Variants in GUCA1C observed in about 807,000 individuals in gnomAD.
GUCA1C encodes guanylyl cyclase-activating protein 3.
GUCA1C carries 15 observed loss-of-function variants against 16.2 expected under a neutral mutation model. The observed-to-expected ratio is 0.93, with a 90% CI of 0.62 to 1.43. GUCA1C has a LOEUF of 1.43. GUCA1C is among the 40% of genes most tolerant of loss of function. The pLI is 0.00. For synonymous variants in GUCA1C, 78 were observed against 85.4 expected (o/e 0.91, Z 0.48); for missense variants, 275 against 244.8 (o/e 1.12, Z -0.82).
Position 108,913,057 on chromosome 3 carries a change from T to C in GUCA1C, c.442+3070A>G, listed in dbSNP as rs147664215. Among the ~76,000 whole-genome samples, 48 of 152,274 alleles carry C rather than the reference T, an allele frequency of 3.2e-4. 1 individual carries two copies. In the East Asian group the frequency reaches 9.2e-3, roughly 29 times the overall value. The stretch of plus-strand genomic sequence containing the variant: ...TTGTGTATTTTTCTGTCACAACAGA[T>C]GTGATGTTGACCATTCTTTTGCAAA... On this transcript the variant is annotated intron_variant, in intron 3 of 3. Transcript: ENST00000261047.
chr3:108,951,199 G>A (rs1039136969), intron 1 of GUCA1C, among the ~76,000 whole-genome samples: 4 of 152,106 alleles, frequency 2.6e-5, no homozygotes, highest in African/African-American at 9.7e-5. Context: ...GGAGGAACAA[G>A]TCTGGAGATT....
intron 1 of GUCA1C, among the ~76,000 whole-genome samples, chr3:108,953,141 C>T (rs1406431407): frequency 6.6e-6 from 1 of 152,092 alleles, no homozygotes; most frequent in Non-Finnish European, 1.5e-5. Flanking sequence ...ATTATATCTG[C>T]CAATCTAGAT....
chr3:108,929,346 T>C (rs978847435), intron 1 of GUCA1C, among the ~76,000 whole-genome samples: 1 of 152,144 alleles, frequency 6.6e-6, no homozygotes, highest in Non-Finnish European at 1.5e-5. Context: ...TTGTTTTTGG[T>C]TTTTTGGTTA....
intron 1 of GUCA1C, among the ~76,000 whole-genome samples, chr3:108,927,258 T>C (rs1246486802): frequency 6.6e-6 from 1 of 152,216 alleles, no homozygotes; most frequent in Non-Finnish European, 1.5e-5. Flanking sequence ...GAGCCTCTTG[T>C]ATTTGGATAT....
chr3:108,911,387 G>A (rs1030501707), intron 3 of GUCA1C, among the ~76,000 whole-genome samples: 3 of 152,252 alleles, frequency 2.0e-5, no homozygotes, highest in South Asian at 4.1e-4. Context: ...ATCAGCCTGT[G>A]TAGAGGATTT....
chr3:108,945,807 T>A (rs1429111469), intron 1 of GUCA1C, among the ~76,000 whole-genome samples: 1 of 152,200 alleles, frequency 6.6e-6, no homozygotes, highest in East Asian at 1.9e-4. Flanking sequence ...ATATCTTGAT[T>A]TATTAATTTT....
intron 1 of GUCA1C, among the ~76,000 whole-genome samples, chr3:108,940,002 T>C (rs1946769716): frequency 6.6e-6 from 1 of 152,236 alleles, no homozygotes; most frequent in African/African-American, 2.4e-5. Flanking sequence ...TACATTTAAA[T>C]GTATGTCAGT....
At chr3:108,917,572 T>A (rs1946530187) in intron 2 of GUCA1C, among the ~76,000 whole-genome samples, 1 of 152,000 alleles carries the variant, frequency 6.6e-6, no homozygotes, top group Non-Finnish European at 1.5e-5. Flanking sequence ...ACTCCCTATG[T>A]GGGAGCAGGA....
intron 2 of GUCA1C, among the ~76,000 whole-genome samples, chr3:108,919,901 T>C (rs1434507063): frequency 6.6e-6 from 1 of 152,168 alleles, no homozygotes; most frequent in Non-Finnish European, 1.5e-5. Context: ...CTTTGTTGTT[T>C]CATACCATGA....
chr3:108,935,220 T>G (rs2399260), intron 1 of GUCA1C, among the ~76,000 whole-genome samples: 112,358 of 151,762 alleles, frequency 0.74, 42,279 homozygotes, highest in Non-Finnish European at 0.78. Context: ...AGGGAGCAGG[T>G]GTTGAAAAAC....
intron 2 of GUCA1C, among the ~76,000 whole-genome samples, chr3:108,919,169 C>A (rs113990558): frequency 0.011 from 1,618 of 152,106 alleles, 30 homozygotes; most frequent in African/African-American, 0.036. Context: ...CGAATGGTAT[C>A]TAATTATTAA....
At chr3:108,925,113 T>G (rs1946611082) in intron 1 of GUCA1C, among the ~76,000 whole-genome samples, 1 of 152,050 alleles carries the variant, frequency 6.6e-6, no homozygotes, top group Admixed American at 6.5e-5. Context: ...GTATTTTTTT[T>G]TTTGTTTCAA....
intron 3 of GUCA1C, among the ~76,000 whole-genome samples, chr3:108,910,832 G>A (rs1025345418): frequency 6.6e-6 from 1 of 151,440 alleles, no homozygotes; most frequent in Non-Finnish European, 1.5e-5. Context: ...TGTAATTTTT[G>A]GTAGAGACGG....
chr3:108,934,975 G>A (rs940212674), intron 1 of GUCA1C, among the ~76,000 whole-genome samples: 18 of 151,668 alleles, frequency 1.2e-4, no homozygotes, highest in Admixed American at 2.0e-4. Context: ...CACCACGCCC[G>A]GCTAATTTTT....
At chr3:108,908,940 T>G (rs868196999) in intron 3 of GUCA1C, among the ~76,000 whole-genome samples, 3 of 152,142 alleles carry the variant, frequency 2.0e-5, no homozygotes, top group Admixed American at 1.3e-4. Context: ...AGTTGAAGGG[T>G]ACAGATGCAG....
At chr3:108,942,717 C>T (rs1255903757) in intron 1 of GUCA1C, among the ~76,000 whole-genome samples, 3 of 152,234 alleles carry the variant, frequency 2.0e-5, no homozygotes, top group Non-Finnish European at 4.4e-5. Flanking sequence ...AGGGAAACCT[C>T]TCTCAAGCTT....
intron 2 of GUCA1C, among the ~76,000 whole-genome samples, chr3:108,917,921 T>C (rs1052038097): frequency 1.3e-4 from 20 of 152,124 alleles, no homozygotes; most frequent in African/African-American, 4.6e-4. Flanking sequence ...GGCGGGCGCC[T>C]GTAATCCTAG....
chr3:108,923,586 C>T (rs1247968343), intron 1 of GUCA1C, among the ~76,000 whole-genome samples: 2 of 152,046 alleles, frequency 1.3e-5, no homozygotes, highest in East Asian at 1.9e-4. Flanking sequence ...GGAAATATGA[C>T]GTCTCTATAT....
chr3:108,917,486 TTTC>T (rs779602335), intron 2 of GUCA1C, among the ~76,000 whole-genome samples: 16 of 152,150 alleles, frequency 1.1e-4, no homozygotes, highest in Non-Finnish European at 1.9e-4. Context: ...GAAGCTTTTT[TTTC>T]TTCTTCTTCT....
Sources: gnomAD v4.1 joint callset for allele counts (sites outside exome capture counted in the v4.1 genomes callset) on GRCh38, gnomAD v4.1.1 for gene constraint, MANE v1.5 for transcripts, NCBI Gene and HGNC (gene_info 2026-07-23, HGNC 2026-07-21) for gene names.